ARHGAP19: variants seen among roughly 807,000 people sequenced by gnomAD.
ARHGAP19 encodes the protein rho GTPase-activating protein 19.
A neutral mutation model predicts 60.9 loss-of-function variants in ARHGAP19; 48 were observed. That is an observed-to-expected ratio of 0.79 (90% CI 0.62 to 1.00). The LOEUF is 1.00. Ranked by LOEUF, ARHGAP19 falls within the 50% of genes least tolerant of loss-of-function variation. The pLI, the probability that ARHGAP19 is intolerant of heterozygous loss-of-function variation, is 0.00. For missense variants in ARHGAP19, 562 were observed against 597.2 expected (o/e 0.94, Z 0.61); for synonymous variants, 209 against 215.5 (o/e 0.97, Z 0.27).
chr10:97,259,928 C>T (rs375328626), intron 4 of ARHGAP19, among the ~76,000 whole-genome samples: 119 of 151,742 alleles, frequency 7.8e-4, no homozygotes, highest in African/African-American at 2.6e-3. Context: ...CTCCGCCTCC[C>T]GGGTTCAAGC....
intron 6 of ARHGAP19, among the ~76,000 whole-genome samples, chr10:97,253,163 C>T (rs986781045): frequency 8.6e-5 from 13 of 151,834 alleles, no homozygotes; most frequent in Non-Finnish European, 1.3e-4. Flanking sequence ...CCGAGGCGGG[C>T]GGTCAGGAGT....
rs762113507 is a variant in ARHGAP19, at chr10:97,222,573, C to T, written c.*3549G>A. The T allele has an allele frequency of 3.3e-5, 5 of 152,218 alleles. No individual in the cohort carries two copies. Among genetic ancestry groups the T allele is most frequent in the Non-Finnish European group, 5.9e-5 (4 of 68,026 alleles). The allele number at this position is 152,218 out of a possible 1,614,324, so 9.4% of individuals were successfully genotyped here. ...TCAACTCTACGCTGGTAGAAGATCT[C>T]GGCATTAGCTGTCTGGGGAAGCTAA... is the stretch of plus-strand genomic sequence containing the variant. On this transcript the variant is annotated 3_prime_UTR_variant, in exon 12 of 12. Coordinates refer to ENST00000358531, the MANE Select transcript of ARHGAP19 (RefSeq NM_032900.6).
intron 6 of ARHGAP19, 91 bp downstream of exon 6, chr10:97,256,227 C>T: frequency 1.9e-6 from 2 of 1,055,408 alleles, no homozygotes; most frequent in Admixed American, 1.9e-5. Flanking sequence ...GGACCTTTTT[C>T]TCGTTTAGTT....
chr10:97,242,685 T>G (rs1681025149), intron 8 of ARHGAP19, among the ~76,000 whole-genome samples: 1 of 152,184 alleles, frequency 6.6e-6, no homozygotes, highest in African/African-American at 2.4e-5. Context: ...GCTGATTTTT[T>G]GCATTTTTAG....
intron 10 of ARHGAP19, 45 bp downstream of exon 10, chr10:97,229,719 C>A: frequency 1.4e-6 from 2 of 1,418,424 alleles, no homozygotes; most frequent in African/African-American, 2.9e-5. Context: ...CTCTTTTCTA[C>A]AAATATATAC....
At chr10:97,247,840 T>C (rs1012435655) in intron 6 of ARHGAP19, among the ~76,000 whole-genome samples, 6 of 151,856 alleles carry the variant, frequency 4.0e-5, no homozygotes, top group African/African-American at 1.5e-4. Context: ...GAAATAGGAA[T>C]ATACACACAA....
chr10:97,259,191 G>A (rs187982852), intron 5 of ARHGAP19, among the ~76,000 whole-genome samples: 96 of 152,280 alleles, frequency 6.3e-4, no homozygotes, highest in African/African-American at 2.2e-3. Context: ...ATGCCATGTA[G>A]GTTTACCAGA....
At chr10:97,233,803 G>A (rs1050315200) in intron 9 of ARHGAP19, among the ~76,000 whole-genome samples, 1 of 151,996 alleles carries the variant, frequency 6.6e-6, no homozygotes, top group African/African-American at 2.4e-5. Context: ...AGGAGGCGGA[G>A]GCTGCAGTGA....
At chr10:97,286,429 T>C (rs1453426707) in intron 1 of ARHGAP19, among the ~76,000 whole-genome samples, 11 of 152,174 alleles carry the variant, frequency 7.2e-5, no homozygotes, top group Non-Finnish European at 1.2e-4. Flanking sequence ...CCATCTCTAC[T>C]AAAAATACAA....
chr10:97,264,844 T>A lies in ARHGAP19; in HGVS notation c.385A>T (p.Ile129Phe). Residue 129 changes from isoleucine to phenylalanine, a missense_variant, in exon 3 of 12, where the codon ATT becomes TTT. Ile to Phe is a conservative substitution (Grantham distance 21). Coordinates refer to ENST00000358531, the MANE Select transcript of ARHGAP19 (RefSeq NM_032900.6). ...GTCTTACTTTTGTGTAGATACTCAA[T>A]CAGTTGGTATATCTGGGCAATGCCT... ...EEGIAQIYQL[I>F]EYLHKNLRVE... The A allele has an allele frequency of 6.2e-7, 1 of 1,611,896 alleles. No individual in the cohort carries two copies. Among genetic ancestry groups the A allele is most frequent in the Non-Finnish European group, 8.5e-7 (1 of 1,178,618 alleles).
rs374206948 is a variant in ARHGAP19 at position 97,236,773 on chromosome 10, C to T, written c.1186-1458G>A. Among the ~76,000 whole-genome samples the T allele has an allele frequency of 3.7e-4, 52 of 142,098 alleles. No individual in the cohort carries two copies. The East Asian group carries it at 4.3e-3, about 12-fold the overall frequency. The allele number at this position is 142,098 out of a possible 152,430, so 93.2% of individuals were successfully genotyped here. ...AGGCTGCAGTGAGCCATGATTGTGC[C>T]ACTGCACTCCAGCCTGGGCAACAGA... On this transcript the variant is annotated intron_variant, in intron 8 of 11. Transcript: ENST00000358531.
At chr10:97,282,917 A>T (rs1330484869) in intron 1 of ARHGAP19, among the ~76,000 whole-genome samples, 1 of 132,422 alleles carries the variant, frequency 7.6e-6, no homozygotes, top group East Asian at 2.2e-4. Context: ...ATCTCGGCTT[A>T]CTGCAACCTC....
chr10:97,229,118 T>C (rs768982242), intron 11 of ARHGAP19, 29 bp downstream of exon 11: 4 of 1,575,510 alleles, frequency 2.5e-6, no homozygotes, highest in African/African-American at 2.7e-5. Context: ...TTACATTTAG[T>C]AAGAACAGAG....
chr10:97,272,607 G>C (rs914599997), intron 1 of ARHGAP19, among the ~76,000 whole-genome samples: 3 of 151,916 alleles, frequency 2.0e-5, no homozygotes, highest in African/African-American at 7.3e-5. Context: ...TTTACTTCTT[G>C]TGTTAATTTT....
chr10:97,246,172 T>C (rs1589452400), intron 7 of ARHGAP19, 100 bp downstream of exon 7: 2 of 998,358 alleles, frequency 2.0e-6, no homozygotes, highest in East Asian at 4.9e-5. Flanking sequence ...CTAAAACTTA[T>C]TATTTTCCAT....
chr10:97,251,121 GA>G (rs1164031140), intron 6 of ARHGAP19, among the ~76,000 whole-genome samples: 2 of 122,054 alleles, frequency 1.6e-5, no homozygotes, highest in South Asian at 3.0e-4. Context: ...AAGGGGAAGA[GA>G]AAGGGGAAGG....
In ARHGAP19 at chr10:97,229,331, T is replaced by A. The variant is rs1850960286; in HGVS notation, c.1396-106A>T. 3.2e-6 allele frequency: 3 copies of A among 928,334 alleles called. No individual in the cohort carries two copies. In the Admixed American group the frequency reaches 6.0e-5, roughly 18 times the overall value. The allele number at this position is 928,334 out of a possible 1,614,324, so 57.5% of individuals were successfully genotyped here. A position where few individuals can be genotyped will look rare whatever the true frequency, so the allele number is the denominator to read the frequency against. On this transcript the variant is annotated intron_variant, in intron 10 of 11. Transcript: ENST00000358531. Reference sequence around the variant, plus strand: ...TGTTCAATTTCAATGTGAAGAGTTTTTCTGAGACTGATGTATTTATATCTC... The same window carrying A: ...TGTTCAATTTCAATGTGAAGAGTTTATCTGAGACTGATGTATTTATATCTC...
intron 6 of ARHGAP19, among the ~76,000 whole-genome samples, chr10:97,252,650 A>G (rs1355340819): frequency 3.3e-5 from 5 of 152,124 alleles, no homozygotes; most frequent in African/African-American, 4.8e-5. Context: ...AAAATAAAAA[A>G]TAACAGATGC....
intron 1 of ARHGAP19, among the ~76,000 whole-genome samples, chr10:97,268,938 A>C (rs575199027): frequency 2.6e-5 from 4 of 152,334 alleles, no homozygotes; most frequent in East Asian, 1.9e-4. Context: ...GGCTTGTTCT[A>C]ATCTTTATTA....
Sources: gnomAD v4.1 joint callset for allele counts (sites outside exome capture counted in the v4.1 genomes callset) on GRCh38, gnomAD v4.1.1 for gene constraint, MANE v1.5 for transcripts, NCBI Gene and HGNC (gene_info 2026-07-23, HGNC 2026-07-21) for gene names.